Variants in UBE3D observed in about 807,000 individuals in gnomAD.
The protein encoded by UBE3D is E3 ubiquitin-protein ligase E3D.
A neutral mutation model predicts 49.6 loss-of-function variants in UBE3D; 48 were observed. The ratio of observed to expected loss-of-function variants is 0.97; its 90% CI spans 0.77 to 1.23. The LOEUF is 1.23. Ranked by LOEUF, UBE3D falls within the 50% of genes most tolerant of loss-of-function variation. UBE3D has a pLI of 0.00. For missense variants in UBE3D, 452 were observed against 468.4 expected, an observed-to-expected ratio of 0.96 and a Z score of 0.32; for synonymous variants, 189 against 174.2, an observed-to-expected ratio of 1.08 and a Z score of -0.67.
At chr6:83,018,821 A>G (rs937405438) in intron 8 of UBE3D, 152 bp downstream of exon 8, 44 of 813,388 alleles carry the variant, frequency 5.4e-5, no homozygotes, top group Non-Finnish European at 8.1e-5. Flanking sequence ...AATTCAACCT[A>G]TTTTAAACAT....
chr6:82,993,533 GAT>G (rs1779042420), intron 8 of UBE3D, among the ~76,000 whole-genome samples: 1 of 152,168 alleles, frequency 6.6e-6, no homozygotes, highest in Admixed American at 6.5e-5. Context: ...GATTATTTAT[GAT>G]ACCTAATACA....
chr6:83,019,383 C>T (rs897645560), intron 7 of UBE3D, among the ~76,000 whole-genome samples: 7 of 148,376 alleles, frequency 4.7e-5, no homozygotes, highest in African/African-American at 1.7e-4. Context: ...AAGTTATTAT[C>T]CATAATATAC....
intron 5 of UBE3D, chr6:83,037,482 G>C (rs1582710366): frequency 6.6e-6 from 1 of 152,088 alleles, no homozygotes; most frequent in Non-Finnish European, 1.5e-5. Context: ...TCAGAGGCTT[G>C]CTTTCATTTT....
At chr6:82,919,628 TA>T (rs1773181560) in intron 9 of UBE3D, among the ~76,000 whole-genome samples, 1 of 151,060 alleles carries the variant, frequency 6.6e-6, no homozygotes. Context: ...AAAATAATAA[TA>T]ATAAAAAAAG....
At chr6:83,061,513 T>G (rs1344855723) in intron 1 of UBE3D, among the ~76,000 whole-genome samples, 1 of 152,238 alleles carries the variant, frequency 6.6e-6, no homozygotes, top group Non-Finnish European at 1.5e-5. Context: ...ACCATTGACT[T>G]GTATTCTGTC....
At chr6:82,977,898 A>T (rs1777839798) in intron 8 of UBE3D, among the ~76,000 whole-genome samples, 2 of 152,170 alleles carry the variant, frequency 1.3e-5, no homozygotes, top group Non-Finnish European at 2.9e-5. Flanking sequence ...GATTTACTAT[A>T]GGACCCAGAC....
At chr6:83,037,834 T>C (rs1424618389) in intron 5 of UBE3D, 1 of 152,182 alleles carries the variant, frequency 6.6e-6, no homozygotes, top group Non-Finnish European at 1.5e-5. Flanking sequence ...TAATCAATGC[T>C]ACTGGGGAAC....
intron 8 of UBE3D, among the ~76,000 whole-genome samples, chr6:82,981,895 T>A (rs920685224): frequency 6.6e-6 from 1 of 152,152 alleles, no homozygotes; most frequent in Non-Finnish European, 1.5e-5. Context: ...TGATTTCCAA[T>A]TCAAGTACAT....
chr6:82,882,091 A>G, the UBE3D span, among the ~76,000 whole-genome samples: 9 of 152,124 alleles, frequency 5.9e-5, no homozygotes, highest in Non-Finnish European at 7.3e-5. Flanking sequence ...TGTACACAAG[A>G]TCCTGAAATC....
At chr6:82,949,884 A>T (rs1040303733) in intron 9 of UBE3D, among the ~76,000 whole-genome samples, 3 of 152,160 alleles carry the variant, frequency 2.0e-5, no homozygotes, top group Non-Finnish European at 2.9e-5. Context: ...TAAAAACTTA[A>T]ATCTAATACC....
chr6:82,983,320 C>T (rs1185900154), intron 8 of UBE3D, among the ~76,000 whole-genome samples: 3 of 152,024 alleles, frequency 2.0e-5, no homozygotes, highest in African/African-American at 7.2e-5. Flanking sequence ...TGACATGACC[C>T]TAATAATGTT....
chr6:82,937,801 A>G (rs1273435817), intron 9 of UBE3D, among the ~76,000 whole-genome samples: 2 of 152,182 alleles, frequency 1.3e-5, no homozygotes, highest in Admixed American at 1.3e-4. Context: ...TTTCTGTGAC[A>G]AACAGCCCTT....
chr6:83,064,376 C>T lies in UBE3D; in HGVS notation c.77+1266G>A, dbSNP rs532003390. Among the ~76,000 whole-genome samples the T allele has an allele frequency of 2.0e-4, 30 of 152,150 alleles. 1 individual carries two copies. In the South Asian group the frequency reaches 6.2e-3, roughly 32 times the overall value. ...GTAGCTGGGACTGACTAAAGGTGCG[C>T]GCCACCACACCCAGCTAATTTTTGT... On this transcript the variant is annotated intron_variant, in intron 1 of 9. Coordinates refer to ENST00000369747, the MANE Select transcript of UBE3D (RefSeq NM_198920.3).
chr6:83,059,261 C>T (rs1784012685), intron 1 of UBE3D, among the ~76,000 whole-genome samples: 1 of 152,022 alleles, frequency 6.6e-6, no homozygotes, highest in Non-Finnish European at 1.5e-5. Context: ...TAGTGGCACG[C>T]ACCTGTAGTC....
intron 7 of UBE3D, among the ~76,000 whole-genome samples, chr6:83,020,338 ACT>A (rs1397888595): frequency 1.7e-4 from 16 of 93,418 alleles, no homozygotes; most frequent in Non-Finnish European, 1.4e-4. Context: ...ATCATGTGAT[ACT>A]GTTTTTTTTT....
chr6:83,034,903 C>T (rs1419134603), intron 5 of UBE3D, among the ~76,000 whole-genome samples: 1 of 152,012 alleles, frequency 6.6e-6, no homozygotes, highest in African/African-American at 2.4e-5. Context: ...AAAAAATCAG[C>T]CAGGTATGTT....
intron 9 of UBE3D, among the ~76,000 whole-genome samples, chr6:82,940,868 T>C (rs1774955784): frequency 1.3e-5 from 2 of 152,166 alleles, no homozygotes; most frequent in South Asian, 4.1e-4. Flanking sequence ...TATATTAATA[T>C]ATATATTTGT....
rs886997413 is a variant in UBE3D at position 83,065,795 on chromosome 6, A to G, written c.-77T>C. On this transcript the variant is annotated 5_prime_UTR_variant, in exon 1 of 10. Transcript: ENST00000369747. ...GGTCAACAGGACCAGGAGAGGTTCC[A>G]CGTGCGGACCAACCAGCGGCAGCCC... The G allele has an allele frequency of 1.9e-5, 27 of 1,437,802 alleles. No homozygotes were observed. The highest frequency in any genetic ancestry group is 2.5e-5 in the Non-Finnish European group (26 of 1,048,268). 89.1% of individuals were successfully genotyped at this position (1,437,802 alleles called of 1,614,324 possible).
At position 82,911,508 on chromosome 6, in the gene UBE3D, C is replaced by T. The variant is rs534084612; in HGVS notation, c.1150-18466G>A. Among the ~76,000 whole-genome samples the T allele has an allele frequency of 6.0e-4, 91 of 152,280 alleles. 3 individuals carry two copies. In the South Asian group the frequency reaches 0.018, roughly 31 times the overall value. ...AACTTATAAATTAGAATACTTCTCA[C>T]AAGTCTGAGCTAGGCAATATATAGT... On this transcript the variant is annotated intron_variant, in intron 9 of 9. Coordinates refer to ENST00000369747, the MANE Select transcript of UBE3D (RefSeq NM_198920.3).
Sources: gnomAD v4.1 joint callset for allele counts (sites outside exome capture counted in the v4.1 genomes callset) on GRCh38, gnomAD v4.1.1 for gene constraint, MANE v1.5 for transcripts, NCBI Gene and HGNC (gene_info 2026-07-23, HGNC 2026-07-21) for gene names.